VCPIP1: variants seen among roughly 807,000 people sequenced by gnomAD.
VCPIP1 encodes valosin containing protein interacting protein 1, also known as deubiquitinating protein VCPIP1.
In VCPIP1, 8 loss-of-function variants were observed where a neutral mutation model predicts 85.0. The observed-to-expected ratio is 0.09, with a 90% CI of 0.06 to 0.17. The LOEUF (loss-of-function observed/expected upper bound fraction) is 0.17. VCPIP1 is among the 10% of genes least tolerant of loss of function. The pLI, the probability that VCPIP1 is intolerant of heterozygous loss-of-function variation, is 1.00. For synonymous variants in VCPIP1, 543 were observed against 544.5 expected, an observed-to-expected ratio of 1.00 and a Z score of 0.04; for missense variants, 1,070 against 1,486.3, an observed-to-expected ratio of 0.72 and a Z score of 4.61.
At chr8:66,647,204 G>A (rs942428235) in intron 2 of VCPIP1, among the ~76,000 whole-genome samples, 6 of 151,952 alleles carry the variant, frequency 3.9e-5, no homozygotes, top group South Asian at 2.1e-4. Flanking sequence ...AGCCAGGCGC[G>A]GTGGCAGGCG....
At chr8:66,644,611 A>T (rs896649001) in intron 2 of VCPIP1, among the ~76,000 whole-genome samples, 1 of 152,176 alleles carries the variant, frequency 6.6e-6, no homozygotes, top group African/African-American at 2.4e-5. Flanking sequence ...GAAAAAGGAA[A>T]TAATGTCTAC....
In VCPIP1 at chr8:66,667,207, C is replaced by T. The variant is rs892782826; in HGVS notation, c.-249G>A. ...CCCACCCCGCACTCACACTCACTCA[C>T]TCTCGCTCTCTCTCCCTCAGACACA... is the stretch of plus-strand genomic sequence containing the variant. On this transcript the variant is annotated 5_prime_UTR_variant, in exon 1 of 3. It adds an upstream start codon to the 5' untranslated region. Transcript: ENST00000310421. 4.5e-6 allele frequency: 3 copies of T among 664,556 alleles called. No homozygotes were observed. Among genetic ancestry groups the T allele is most frequent in the Admixed American group, 7.1e-5 (2 of 28,330 alleles). 41.2% of individuals were successfully genotyped at this position (664,556 alleles called of 1,614,324 possible).
intron 1 of VCPIP1, 74 bp from the exon 2 acceptor site, chr8:66,651,618 A>C: frequency 8.1e-7 from 1 of 1,229,034 alleles, no homozygotes; most frequent in East Asian, 2.4e-5. Flanking sequence ...AGTAAGGATT[A>C]GCCTAGAATA....
intron 1 of VCPIP1, among the ~76,000 whole-genome samples, chr8:66,658,995 T>C (rs1044422342): frequency 3.3e-5 from 5 of 152,276 alleles, no homozygotes; most frequent in Admixed American, 3.3e-4. Flanking sequence ...CCTAATTTCA[T>C]TTAAGTAACT....
rs753831510 is a variant in VCPIP1 at position 66,664,521 on chromosome 8, T to C, written c.2438A>G (p.Tyr813Cys). The change falls in exon 1 of 3, where the codon TAT becomes TGT. Residue 813 changes from tyrosine (Y) to cysteine (C), a missense_variant. Physicochemically the swap from Tyr to Cys is radical, Grantham distance 194. Around this residue, in one of 8 missense-constraint regions of VCPIP1, gnomAD observed 278 missense variants for 298.5 expected, o/e 0.93. Transcript: ENST00000310421. ...SIAREFNIPPYLQCIRYGFPP... is the reference protein window; with the variant it reads ...SIAREFNIPPCLQCIRYGFPP... Reference sequence around the variant, plus strand: ...AAACCCGTATCGAATACACTGTAAATATGGAGGAATGTTGAATTCTCTGGC... The same window carrying C: ...AAACCCGTATCGAATACACTGTAAACATGGAGGAATGTTGAATTCTCTGGC... The C allele has an allele frequency of 3.7e-6, 6 of 1,614,168 alleles. No individual in the cohort carries two copies. The highest frequency in any genetic ancestry group is 1.7e-5 in the Admixed American group (1 of 60,016).
chr8:66,651,601 C>A, intron 1 of VCPIP1, 57 bp from the exon 2 acceptor site: 1 of 1,451,456 alleles, frequency 6.9e-7, no homozygotes, highest in Non-Finnish European at 9.6e-7. Flanking sequence ...CCATCCAGGG[C>A]TGCTTTAGTA....
chr8:66,652,809 A>G (rs1023990302), intron 1 of VCPIP1, among the ~76,000 whole-genome samples: 1 of 152,184 alleles, frequency 6.6e-6, no homozygotes, highest in African/African-American at 2.4e-5. Context: ...AACAGTTACT[A>G]TGGCTGTTTT....
At chr8:66,646,315 C>A (rs896498654) in intron 2 of VCPIP1, among the ~76,000 whole-genome samples, 2 of 151,960 alleles carry the variant, frequency 1.3e-5, no homozygotes, top group African/African-American at 4.8e-5. Flanking sequence ...TCAAGTGATC[C>A]GCTTGCCTCG....
rs185491794 is a variant in VCPIP1, at chr8:66,629,626, T to C, written c.*4875A>G. 3 of 152,218 alleles carry C rather than the reference T, an allele frequency of 2.0e-5. No homozygotes were observed. The East Asian group carries it at 5.8e-4, about 29-fold the overall frequency. The allele number at this position is 152,218 out of a possible 1,614,324, so 9.4% of individuals were successfully genotyped here. On this transcript the variant is annotated 3_prime_UTR_variant, in exon 3 of 3. Coordinates refer to ENST00000310421, the MANE Select transcript of VCPIP1 (RefSeq NM_025054.5). The stretch of plus-strand genomic sequence containing the variant: ...ACTTAAAGAGGCAGAGGAGGGCAGA[T>C]CACTTGAGCTCAGGGGTTCAAGACC...
intron 1 of VCPIP1, among the ~76,000 whole-genome samples, chr8:66,658,546 T>A (rs1029785807): frequency 3.9e-5 from 6 of 152,124 alleles, no homozygotes; most frequent in African/African-American, 7.2e-5. Context: ...TGGAGTGCAA[T>A]GGCATGATCT....
At chr8:66,655,888 T>C (rs978164477) in intron 1 of VCPIP1, among the ~76,000 whole-genome samples, 1 of 152,104 alleles carries the variant, frequency 6.6e-6, no homozygotes, top group Admixed American at 6.6e-5. Context: ...ACTGTGTATA[T>C]ATAAATGTAG....
At chr8:66,641,052 A>G (rs913985050) in intron 2 of VCPIP1, among the ~76,000 whole-genome samples, 58 of 152,138 alleles carry the variant, frequency 3.8e-4, no homozygotes, top group African/African-American at 1.3e-3. Context: ...GTACCCCCCT[A>G]GATGCTGCTG....
At chr8:66,662,713 C>T (rs570998045) in intron 1 of VCPIP1, among the ~76,000 whole-genome samples, 51 of 151,532 alleles carry the variant, frequency 3.4e-4, no homozygotes, top group African/African-American at 1.2e-3. Context: ...GACAGAGTCT[C>T]GCTCTGTCGC....
chr8:66,666,429 G>C lies in VCPIP1; in HGVS notation c.530C>G (p.Thr177Ser). ...GGAGCGGTCCTTGCCATAGCCCACA[G>C]TGTTAACATGCTCTGGTTCTATGAG... ...AFLIEPEHVN[T>S]VGYGKDRSGS... is the part of the protein sequence containing the mutation. The change falls in exon 1 of 3, where the codon ACT becomes AGT. Residue 177 changes from threonine (T) to serine (S), a missense_variant. By Grantham distance (58) the Thr-to-Ser change is moderately conservative. This residue lies in a region of VCPIP1 where 118 missense variants were observed against 337.1 expected (regional missense o/e 0.35). Coordinates refer to ENST00000310421, the MANE Select transcript of VCPIP1 (RefSeq NM_025054.5). The surrounding 1 kb of genome is among the most constrained non-coding windows in gnomAD (Gnocchi z 6.3). 6.2e-7 allele frequency: 1 copy of C among 1,614,180 alleles called. No individual in the cohort carries two copies. Among genetic ancestry groups the C allele is most frequent in the Non-Finnish European group, 8.5e-7 (1 of 1,180,036 alleles).
At chr8:66,638,860 G>A (rs540312715) in intron 2 of VCPIP1, among the ~76,000 whole-genome samples, 3 of 151,550 alleles carry the variant, frequency 2.0e-5, no homozygotes, top group Non-Finnish European at 4.4e-5. Context: ...CACAGGCAAA[G>A]TTGAGTATTA....
At chr8:66,638,962 CTCTCTCTCTATA>C (rs1156976098) in intron 2 of VCPIP1, among the ~76,000 whole-genome samples, 15 of 133,264 alleles carry the variant, frequency 1.1e-4, no homozygotes, top group African/African-American at 4.5e-4. Flanking sequence ...CTCTCTCTCT[CTCTCTCTCTATA>C]TATATATATA....
Position 66,634,790 on chromosome 8 carries a change from T to C in VCPIP1, c.3380A>G (p.Gln1127Arg). ...QASMDRHLRDQSTEQSPSDLP... is the reference protein window; with the variant it reads ...QASMDRHLRDRSTEQSPSDLP... Reference sequence around the variant, plus strand: ...ATCAGATGGTGACTGCTCTGTACTTTGATCCCGAAGGTGCCTGTCCATTGA... The same window carrying C: ...ATCAGATGGTGACTGCTCTGTACTTCGATCCCGAAGGTGCCTGTCCATTGA... Residue 1127 changes from glutamine (Q) to arginine (R), a missense_variant, in exon 3 of 3, where the codon CAA becomes CGA. Gln to Arg is a conservative substitution (Grantham distance 43). Transcript: ENST00000310421. 1 of 1,614,252 alleles carries C rather than the reference T, an allele frequency of 6.2e-7. No homozygotes were observed. The highest frequency in any genetic ancestry group is 8.5e-7 in the Non-Finnish European group (1 of 1,180,040).
intron 1 of VCPIP1, among the ~76,000 whole-genome samples, chr8:66,658,078 G>A (rs913797652): frequency 1.3e-5 from 2 of 152,174 alleles, no homozygotes; most frequent in African/African-American, 4.8e-5. Flanking sequence ...GCTCACGCCT[G>A]TAATCCCAGC....
chr8:66,663,231 T>G (rs993340998), intron 1 of VCPIP1, among the ~76,000 whole-genome samples: 1 of 151,964 alleles, frequency 6.6e-6, no homozygotes, highest in African/African-American at 2.4e-5. Context: ...TTGTGCAGGG[T>G]TTTTAGATCC....
Sources: allele counts gnomAD v4.1 joint callset (sites outside exome capture counted in the v4.1 genomes callset), GRCh38; gene constraint gnomAD v4.1.1; regional missense constraint gnomAD v4.1.1; non-coding constraint Gnocchi (gnomAD v3.1); transcripts MANE v1.5; gene names NCBI Gene and HGNC (gene_info 2026-07-23, HGNC 2026-07-21).